The following BAZ2A variants were observed in gnomAD, a reference collection of about 807,000 sequenced individuals.
BAZ2A encodes the protein bromodomain adjacent to zinc finger domain protein 2A.
In BAZ2A, 34 loss-of-function variants were observed where a neutral mutation model predicts 199.9. The ratio of observed to expected loss-of-function variants is 0.17; its 90% CI spans 0.13 to 0.23. The LOEUF (loss-of-function observed/expected upper bound fraction) is 0.23. Among genes scored for constraint, BAZ2A ranks in the 10% least tolerant of loss-of-function variants. The pLI is 1.00. For synonymous variants in BAZ2A, 857 were observed against 883.9 expected, an observed-to-expected ratio of 0.97 and a Z score of 0.54; for missense variants, 2,002 against 2,391.1, an observed-to-expected ratio of 0.84 and a Z score of 3.39.
At position 56,609,908 on chromosome 12, in the gene BAZ2A, C is replaced by A. The variant is rs562319546; in HGVS notation, c.1920G>T (p.Pro640=). The stretch of plus-strand genomic sequence containing the variant: ...TGCCAGTAATTGCCTGAATCCTCGA[C>A]GGGATCTCCTCTGCTGAGAGCTGCA... ...QWVQLSAEEI[P]SRIQAITGKR... is the part of the protein sequence containing the mutation. Residue 640 remains proline, a synonymous_variant, in exon 10 of 29, where the codon CCG becomes CCT. Coordinates refer to ENST00000549884, the MANE Select transcript of BAZ2A (RefSeq NM_001300905.2). The A allele has an allele frequency of 2.0e-5, 32 of 1,612,804 alleles. 1 individual carries two copies. In the Admixed American group the frequency reaches 3.5e-4, roughly 18 times the overall value.
chr12:56,630,337 C>G, upstream of BAZ2A: 36 of 956,188 alleles, frequency 3.8e-5, no homozygotes, highest in Non-Finnish European at 4.5e-5. Flanking sequence ...GAGTCGGAGC[C>G]GGAGGGGGCG....
intron 3 of BAZ2A, 65 bp from the exon 4 acceptor site, chr12:56,614,203 C>T (rs1950645156): frequency 6.8e-7 from 1 of 1,480,720 alleles, no homozygotes; most frequent in Non-Finnish European, 9.3e-7. Context: ...CTTAGCTATA[C>T]TAGGCAGTCA....
intron 4 of BAZ2A, among the ~76,000 whole-genome samples, chr12:56,613,590 ATGTC>A (rs1212493298): frequency 2.6e-5 from 4 of 152,224 alleles, no homozygotes; most frequent in African/African-American, 7.2e-5. Flanking sequence ...ATCATAAAAT[ATGTC>A]TTTCTTGTAC....
At chr12:56,616,657 A>G (rs1950733806) in intron 2 of BAZ2A, among the ~76,000 whole-genome samples, 1 of 152,176 alleles carries the variant, frequency 6.6e-6, no homozygotes, top group Non-Finnish European at 1.5e-5. Flanking sequence ...CAATGAAATA[A>G]AGGAGCTTCT....
intron 18 of BAZ2A, 131 bp downstream of exon 18, chr12:56,603,228 A>T: frequency 2.9e-6 from 3 of 1,043,344 alleles, no homozygotes; most frequent in Non-Finnish European, 4.2e-6. Context: ...TGATCGTGCC[A>T]CTGCACTCCA....
intron 16 of BAZ2A, 44 bp downstream of exon 16, chr12:56,604,173 C>T (rs1950270929): frequency 6.5e-7 from 1 of 1,546,564 alleles, no homozygotes; most frequent in Non-Finnish European, 8.8e-7. Context: ...TCACCCGCCC[C>T]ACTTCTCTCC....
chr12:56,610,248 G>A, intron 8 of BAZ2A, 33 bp from the exon 9 acceptor site: 1 of 1,610,534 alleles, frequency 6.2e-7, no homozygotes, highest in Non-Finnish European at 8.5e-7. Flanking sequence ...CATTAATAAA[G>A]TTGGATCCTA....
At chr12:56,630,337 C>CGGAGGGGGCGGAGAA, upstream of BAZ2A, 1 of 956,188 alleles carries the variant, frequency 1.0e-6, no homozygotes, top group Non-Finnish European at 1.2e-6. Flanking sequence ...GAGTCGGAGC[C>CGGAGGGGGCGGAGAA]GGAGGGGGCG....
Position 56,630,288 on chromosome 12 carries a change from G to T in BAZ2A, c.-166C>A. ...GGGAGGGGGACGCGGCTCAACCGCG[G>T]GGCCCGAGAGGAGCCAACATGGCCG... On this transcript the variant is annotated 5_prime_UTR_variant, in exon 1 of 29. Transcript: ENST00000549884. The T allele has an allele frequency of 1.0e-6, 1 of 985,006 alleles. No individual in the cohort carries two copies. The highest frequency in any genetic ancestry group is 1.2e-6 in the Non-Finnish European group (1 of 829,490). The allele number at this position is 985,006 out of a possible 1,614,324, so 61.0% of individuals were successfully genotyped here.
In BAZ2A at chr12:56,615,817, A is replaced by AG. The variant is rs946817004; in HGVS notation, c.137-211dup. ...TTAGCAACTGCTGCTGAGGCTGAGT[A>AG]GGGGGCTAGAGAGCTCTCCAGGCCT... On this transcript the variant is annotated intron_variant, in intron 2 of 28. Transcript: ENST00000549884. Among the ~76,000 whole-genome samples the AG allele has an allele frequency of 6.6e-5, 10 of 152,294 alleles. No homozygotes were observed. In the East Asian group the frequency reaches 9.7e-4, roughly 15 times the overall value.
chr12:56,635,202 G>C (rs1951419790), upstream of BAZ2A, among the ~76,000 whole-genome samples: 1 of 152,102 alleles, frequency 6.6e-6, no homozygotes, highest in African/African-American at 2.4e-5. This position sits in a 1 kb window ranked among gnomAD's most constrained non-coding sequence, Gnocchi z 4.1. Flanking sequence ...GGGAGGAAGA[G>C]AACGGATCCC....
At chr12:56,632,639 G>A (rs1951346153), upstream of BAZ2A, among the ~76,000 whole-genome samples, 1 of 152,168 alleles carries the variant, frequency 6.6e-6, no homozygotes, top group Non-Finnish European at 1.5e-5. Context: ...GTTAGGAAGA[G>A]GGGTGTTGGA....
chr12:56,637,431 A>C (rs1212135085), upstream of BAZ2A, among the ~76,000 whole-genome samples: 3 of 152,182 alleles, frequency 2.0e-5, no homozygotes, highest in Admixed American at 1.3e-4. Context: ...TCATAAGGGG[A>C]TCTTCACAGA....
chr12:56,619,435 G>T (rs1220862372), intron 1 of BAZ2A, among the ~76,000 whole-genome samples: 1 of 150,178 alleles, frequency 6.7e-6, no homozygotes, highest in Non-Finnish European at 1.5e-5. Context: ...CTTGAGCCCA[G>T]GAGGTCGAGG....
At chr12:56,607,450 C>T (rs1375975227) in intron 10 of BAZ2A, among the ~76,000 whole-genome samples, 1 of 152,188 alleles carries the variant, frequency 6.6e-6, no homozygotes, top group African/African-American at 2.4e-5. Context: ...CGGCTCACTG[C>T]AATCTCCACC....
At chr12:56,612,452 A>C (rs772636906) in intron 5 of BAZ2A, among the ~76,000 whole-genome samples, 4 of 152,180 alleles carry the variant, frequency 2.6e-5, no homozygotes, top group Non-Finnish European at 4.4e-5. Context: ...GTGTGAAGAA[A>C]TACCTTTTAC....
intron 2 of BAZ2A, among the ~76,000 whole-genome samples, chr12:56,616,532 G>T (rs1417562815): frequency 6.6e-6 from 1 of 152,164 alleles, no homozygotes; most frequent in Non-Finnish European, 1.5e-5. Flanking sequence ...GGGTAGGGGG[G>T]GCACTTTGTG....
At chr12:56,634,830 C>A, upstream of BAZ2A, 1 of 871,958 alleles carries the variant, frequency 1.1e-6, no homozygotes, top group Non-Finnish European at 1.4e-6. Context: ...AAGGGCAGCT[C>A]CCTCAGGGGG....
rs1227060482 is a variant in BAZ2A, at chr12:56,596,468, T to C, written c.*2150A>G. ...GAGGCTAGGACCCCACCCCGCCATATGAGTGCCTGGTCCCTAGGGAAAGAG... is the reference window on the plus strand; with the variant it reads ...GAGGCTAGGACCCCACCCCGCCATACGAGTGCCTGGTCCCTAGGGAAAGAG... On this transcript the variant is annotated 3_prime_UTR_variant, in exon 29 of 29. Coordinates refer to ENST00000549884, the MANE Select transcript of BAZ2A (RefSeq NM_001300905.2). 2.0e-5 allele frequency: 3 copies of C among 151,412 alleles called. No homozygotes were observed. Among genetic ancestry groups the C allele is most frequent in the Admixed American group, 6.6e-5 (1 of 15,148 alleles). The allele number at this position is 151,412 out of a possible 1,614,324, so 9.4% of individuals were successfully genotyped here.
Sources: gnomAD v4.1 joint callset for allele counts (sites outside exome capture counted in the v4.1 genomes callset) on GRCh38, gnomAD v4.1.1 for gene constraint, Gnocchi (gnomAD v3.1) non-coding constraint, MANE v1.5 for transcripts, NCBI Gene and HGNC (gene_info 2026-07-23, HGNC 2026-07-21) for gene names.